ANKS1B: variants seen among roughly 807,000 people sequenced by gnomAD.
ANKS1B encodes ankyrin repeat and sterile alpha motif domain containing 1B.
In ANKS1B, 36 loss-of-function variants were observed where a neutral mutation model predicts 148.3. The observed-to-expected ratio is 0.24, with a 90% CI of 0.19 to 0.32. ANKS1B has a LOEUF of 0.32. Ranked by LOEUF, ANKS1B falls within the 10% of genes least tolerant of loss-of-function variation. ANKS1B has a pLI of 1.00. For missense variants in ANKS1B, 1,157 were observed against 1,542.6 expected (o/e 0.75, Z 4.19); for synonymous variants, 542 against 560.8 (o/e 0.97, Z 0.47).
At position 99,427,231 on chromosome 12, in the gene ANKS1B, C is replaced by T. The variant is rs2095273011; in HGVS notation, c.1575+16442G>A. ...CTTGCTTAACACCCTTCAGTGGCTT[C>T]TAATTGCACTTGGAGTAAAATCTAC... On this transcript the variant is annotated intron_variant, in intron 11 of 26. Transcript: ENST00000683438. 2.6e-5 allele frequency among the ~76,000 whole-genome samples: 4 copies of T among 152,130 alleles called. No homozygotes were observed. In the South Asian group the frequency reaches 8.3e-4, roughly 32 times the overall value.
chr12:99,580,605 G>C (rs116305812), intron 9 of ANKS1B, among the ~76,000 whole-genome samples: 1 of 152,116 alleles, frequency 6.6e-6, no homozygotes, highest in Non-Finnish European at 1.5e-5. Context: ...GTAGCGAAGC[G>C]GGGGATGGTG....
At chr12:99,785,472 C>T (rs2064918563) in intron 4 of ANKS1B, among the ~76,000 whole-genome samples, 1 of 151,774 alleles carries the variant, frequency 6.6e-6, no homozygotes, top group Admixed American at 6.6e-5. Flanking sequence ...CTTGCTCTCT[C>T]GCCCAGGCTG....
chr12:99,594,417 G>A (rs1441020449), intron 9 of ANKS1B, among the ~76,000 whole-genome samples: 1 of 151,986 alleles, frequency 6.6e-6, no homozygotes. Flanking sequence ...CATGTTCATC[G>A]CAACATTATT....
At chr12:99,154,773 G>T in intron 14 of ANKS1B, 1 of 1,445,980 alleles carries the variant, frequency 6.9e-7, no homozygotes, top group South Asian at 1.5e-5. Flanking sequence ...ATGCACGGCC[G>T]GCAGCCAGAA....
At chr12:99,649,175 C>T (rs1792344816) in intron 9 of ANKS1B, 2 of 833,606 alleles carry the variant, frequency 2.4e-6, no homozygotes, top group Admixed American at 3.9e-5. Context: ...ACATTGGTGG[C>T]AACACAACAT....
intron 22 of ANKS1B, among the ~76,000 whole-genome samples, chr12:98,790,345 A>G (rs918922499): frequency 2.0e-5 from 3 of 152,012 alleles, no homozygotes; most frequent in South Asian, 2.1e-4. Context: ...TAGGTACTCA[A>G]CCTCCCTGTG....
intron 10 of ANKS1B, among the ~76,000 whole-genome samples, chr12:99,468,971 C>G (rs1430948853): frequency 1.3e-5 from 2 of 152,102 alleles, no homozygotes; most frequent in Non-Finnish European, 1.5e-5. Flanking sequence ...AATCATGCTG[C>G]TATAAAGACA....
intron 24 of ANKS1B, among the ~76,000 whole-genome samples, chr12:98,774,858 C>T (rs2098652264): frequency 6.6e-6 from 1 of 152,280 alleles, no homozygotes; most frequent in Middle Eastern, 3.4e-3. Context: ...GACATTAATG[C>T]AGTGCTCTGT....
At chr12:98,975,899 T>C (rs1172963948) in intron 17 of ANKS1B, among the ~76,000 whole-genome samples, 1 of 152,186 alleles carries the variant, frequency 6.6e-6, no homozygotes, top group African/African-American at 2.4e-5. Flanking sequence ...ATTTGTAAAC[T>C]GAGGCATGGA....
chr12:99,238,886 A>T (rs1381050228), intron 14 of ANKS1B, among the ~76,000 whole-genome samples: 1 of 152,204 alleles, frequency 6.6e-6, no homozygotes, highest in Non-Finnish European at 1.5e-5. Flanking sequence ...CGAAAAGGAC[A>T]TCCACACCAA....
chr12:99,712,403 A>G (rs2153538183), intron 8 of ANKS1B, among the ~76,000 whole-genome samples: 1 of 152,322 alleles, frequency 6.6e-6, no homozygotes, highest in South Asian at 2.1e-4. Context: ...CCTGAGAGTG[A>G]GAGATTATTA....
At chr12:99,314,643 G>C (rs1476199139) in intron 12 of ANKS1B, among the ~76,000 whole-genome samples, 1 of 151,894 alleles carries the variant, frequency 6.6e-6, no homozygotes, top group East Asian at 1.9e-4. Context: ...TCTTTGACAA[G>C]CCTGACAAAA....
At chr12:99,716,954 G>A (rs538440924) in intron 8 of ANKS1B, among the ~76,000 whole-genome samples, 5 of 152,148 alleles carry the variant, frequency 3.3e-5, no homozygotes, top group Admixed American at 1.3e-4. Flanking sequence ...GTTTCATTCC[G>A]TGACTAGCCC....
In ANKS1B at chr12:98,829,153, C is replaced by G; in HGVS notation, c.3066+21G>C. The G allele has an allele frequency of 6.2e-7, 1 of 1,613,610 alleles. No individual in the cohort carries two copies. Among genetic ancestry groups the G allele is most frequent in the South Asian group, 1.1e-5 (1 of 91,018 alleles). ...TACCTGATATGGTTGAAAAATATCA[C>G]AAAGGCTTATAACACCTTACCTGAG... On this transcript the variant is annotated intron_variant, in intron 19 of 26. Coordinates refer to ENST00000683438, the MANE Select transcript of ANKS1B (RefSeq NM_001352186.2). This position sits in a 1 kb window ranked among gnomAD's most constrained non-coding sequence, Gnocchi z 5.2.
intron 17 of ANKS1B, among the ~76,000 whole-genome samples, chr12:98,941,413 G>C (rs151133446): frequency 2.6e-5 from 4 of 152,300 alleles, no homozygotes; most frequent in Admixed American, 6.5e-5. Flanking sequence ...AAAGATACTT[G>C]TTTACAGTAT....
At chr12:99,950,598 T>A (rs918861054) in intron 1 of ANKS1B, among the ~76,000 whole-genome samples, 7 of 152,200 alleles carry the variant, frequency 4.6e-5, no homozygotes, top group Non-Finnish European at 1.0e-4. Flanking sequence ...ATAGTTATCA[T>A]TTGTTTCATT....
intron 17 of ANKS1B, among the ~76,000 whole-genome samples, chr12:98,948,767 A>ACCCC (rs148793376): frequency 2.1e-4 from 27 of 129,318 alleles, no homozygotes; most frequent in African/African-American, 8.1e-4. Context: ...ACACACCCAC[A>ACCCC]CCCCCCCCCA....
chr12:99,865,489 G>A (rs149501815), intron 1 of ANKS1B, among the ~76,000 whole-genome samples: 11 of 152,254 alleles, frequency 7.2e-5, no homozygotes, highest in Non-Finnish European at 1.2e-4. Context: ...AGTAGGTACC[G>A]AGGCATCCTG....
At chr12:98,949,410 A>T (rs2099850777) in intron 17 of ANKS1B, among the ~76,000 whole-genome samples, 1 of 152,144 alleles carries the variant, frequency 6.6e-6, no homozygotes, top group African/African-American at 2.4e-5. Flanking sequence ...CCCAACTGTT[A>T]AAAAAGGAAG....
Sources: allele counts gnomAD v4.1 joint callset (sites outside exome capture counted in the v4.1 genomes callset), GRCh38; gene constraint gnomAD v4.1.1; non-coding constraint Gnocchi (gnomAD v3.1); transcripts MANE v1.5; gene names NCBI Gene and HGNC (gene_info 2026-07-23, HGNC 2026-07-21).